The following DAP3 variants were observed in gnomAD, a reference collection of about 807,000 sequenced individuals.
DAP3 encodes the protein death associated protein 3, also known as small ribosomal subunit protein mS29.
In DAP3, 28 loss-of-function variants were observed where a neutral mutation model predicts 51.9. The observed-to-expected ratio is 0.54, with a 90% CI of 0.40 to 0.74. The LOEUF is 0.74. DAP3 is among the 30% of genes least tolerant of loss of function. DAP3 has a pLI of 0.00. For missense variants in DAP3, 458 were observed against 483.5 expected (o/e 0.95, Z 0.49); for synonymous variants, 170 against 170.3 (o/e 1.00, Z 0.01).
At chr1:155,725,342 C>G (rs931921801) in intron 4 of DAP3, 40 bp from the exon 5 acceptor site, 2 of 1,582,326 alleles carry the variant, frequency 1.3e-6, no homozygotes, top group Non-Finnish European at 1.7e-6. Context: ...CCCACTCCTT[C>G]CACACCCACC....
chr1:155,734,329 T>TTTTTC (rs1297022935), intron 11 of DAP3, among the ~76,000 whole-genome samples: 1 of 151,998 alleles, frequency 6.6e-6, no homozygotes, highest in East Asian at 1.9e-4. Context: ...GAATGTTGTC[T>TTTTTC]TTTTCTTTTC....
rs1290242971 is a variant in DAP3, at chr1:155,692,878, C to T, written c.-8+3704C>T. Among the ~76,000 whole-genome samples the T allele has an allele frequency of 3.5e-5, 5 of 142,054 alleles. 1 individual carries two copies. Among genetic ancestry groups the T allele is most frequent in the Admixed American group, 6.6e-5 (1 of 15,108 alleles). 93.2% of individuals were successfully genotyped at this position (142,054 alleles called of 152,430 possible). ...TTGATTTGCCAATTGTTGGTCTATC[C>T]GGGTCTGATAATTCCACAATTTTGA... On this transcript the variant is annotated intron_variant, in intron 1 of 12. Transcript: ENST00000368336.
At chr1:155,688,529 A>G, upstream of DAP3, 1 of 1,543,778 alleles carries the variant, frequency 6.5e-7, no homozygotes, top group Non-Finnish European at 8.7e-7. Context: ...TGCTCCCACC[A>G]ACCACCACCT....
At chr1:155,731,097 G>A (rs1477276099) in intron 9 of DAP3, among the ~76,000 whole-genome samples, 1 of 152,020 alleles carries the variant, frequency 6.6e-6, no homozygotes, top group East Asian at 1.9e-4. Flanking sequence ...GGGAAACCCT[G>A]TCTCTACTAA....
upstream of DAP3, chr1:155,688,826 C>T (rs1653183863): frequency 1.3e-6 from 2 of 1,574,010 alleles, no homozygotes; most frequent in African/African-American, 1.4e-5. Context: ...TGTTCCATTC[C>T]TGGCGGCTGC....
At chr1:155,691,873 C>T (rs1214819971) in intron 1 of DAP3, among the ~76,000 whole-genome samples, 20 of 141,052 alleles carry the variant, frequency 1.4e-4, no homozygotes, top group Non-Finnish European at 2.5e-4. Context: ...ATCCGAAGTC[C>T]GGTGGCGACA....
intron 1 of DAP3, among the ~76,000 whole-genome samples, chr1:155,697,542 A>G (rs1401695706): frequency 6.6e-6 from 1 of 152,144 alleles, no homozygotes; most frequent in Non-Finnish European, 1.5e-5. Flanking sequence ...CCGCAAAACC[A>G]GCAAGTTTTT....
intron 2 of DAP3, among the ~76,000 whole-genome samples, chr1:155,713,575 CAGAG>C (rs1656965398): frequency 6.6e-6 from 1 of 152,118 alleles, no homozygotes; most frequent in Non-Finnish European, 1.5e-5. Context: ...GTTAAGTACT[CAGAG>C]AGGGAGATAT....
chr1:155,727,269 A>G (rs2149188896), intron 6 of DAP3, among the ~76,000 whole-genome samples: 1 of 152,166 alleles, frequency 6.6e-6, no homozygotes, highest in Middle Eastern at 3.4e-3. Flanking sequence ...GTGATATTTA[A>G]TACACTTGGT....
intron 11 of DAP3, among the ~76,000 whole-genome samples, chr1:155,735,802 G>A (rs1014164651): frequency 3.0e-4 from 44 of 148,044 alleles, no homozygotes; most frequent in Admixed American, 1.4e-3. Flanking sequence ...CTCCCAAGTA[G>A]CTGGGATTAC....
At chr1:155,688,214 CGA>C (rs767114924), upstream of DAP3, 2 of 1,613,510 alleles carry the variant, frequency 1.2e-6, no homozygotes, top group East Asian at 2.2e-5. Flanking sequence ...GGCGGAAATG[CGA>C]GAGAGGAGAA....
intron 4 of DAP3, among the ~76,000 whole-genome samples, chr1:155,722,444 G>C (rs768265813): frequency 9.2e-5 from 14 of 152,044 alleles, no homozygotes; most frequent in Admixed American, 6.6e-4. Context: ...GGCCAGGCAA[G>C]GTAGTTTATG....
chr1:155,728,455 A>G (rs1658839852), intron 7 of DAP3, among the ~76,000 whole-genome samples: 1 of 151,980 alleles, frequency 6.6e-6, no homozygotes, highest in African/African-American at 2.4e-5. Flanking sequence ...CCATCTATTC[A>G]GGAGGCTGAG....
intron 5 of DAP3, 121 bp downstream of exon 5, chr1:155,725,611 C>T (rs1658486767): frequency 1.0e-6 from 1 of 965,446 alleles, no homozygotes; most frequent in Non-Finnish European, 1.6e-6. Context: ...ACCTATAATC[C>T]CAGGAGTTTG....
intron 1 of DAP3, among the ~76,000 whole-genome samples, chr1:155,696,534 A>G (rs191569147): frequency 6.6e-6 from 1 of 152,226 alleles, no homozygotes; most frequent in Non-Finnish European, 1.5e-5. Flanking sequence ...GTATCCCCAA[A>G]TATTGAAAAG....
intron 2 of DAP3, among the ~76,000 whole-genome samples, chr1:155,714,715 A>T (rs540814373): frequency 4.9e-4 from 74 of 152,246 alleles, no homozygotes; most frequent in Non-Finnish European, 8.5e-4. Flanking sequence ...AGATCATGCC[A>T]TTGCATCCCA....
At chr1:155,699,818 G>A (rs994014207) in intron 1 of DAP3, among the ~76,000 whole-genome samples, 1 of 152,102 alleles carries the variant, frequency 6.6e-6, no homozygotes, top group African/African-American at 2.4e-5. Flanking sequence ...GTCTCATTAT[G>A]TTGCCCAGGC....
intron 1 of DAP3, among the ~76,000 whole-genome samples, chr1:155,702,458 G>A (rs1655428056): frequency 6.6e-6 from 1 of 152,120 alleles, no homozygotes; most frequent in Admixed American, 6.6e-5. Context: ...TCCAGCTTGG[G>A]GGACAGAGCG....
At chr1:155,705,421 G>C (rs936228821) in intron 1 of DAP3, among the ~76,000 whole-genome samples, 1 of 151,246 alleles carries the variant, frequency 6.6e-6, no homozygotes, top group African/African-American at 2.4e-5. Context: ...CCATAGCAAG[G>C]GTTATGTCTA....
Sources: gnomAD v4.1 joint callset for allele counts (sites outside exome capture counted in the v4.1 genomes callset) on GRCh38, gnomAD v4.1.1 for gene constraint, MANE v1.5 for transcripts, NCBI Gene and HGNC (gene_info 2026-07-23, HGNC 2026-07-21) for gene names.